Variants in CHL1 observed in about 807,000 individuals in gnomAD.
The protein encoded by CHL1 is neural cell adhesion molecule L1-like protein.
CHL1 carries 96 observed loss-of-function variants against 141.9 expected under a neutral mutation model. That is an observed-to-expected ratio of 0.68 (90% CI 0.57 to 0.80). The LOEUF (loss-of-function observed/expected upper bound fraction) is 0.80, where lower values mean the gene tolerates loss of function less well. Ranked by LOEUF, CHL1 falls within the 30% of genes least tolerant of loss-of-function variation. The pLI, the probability that CHL1 is intolerant of heterozygous loss-of-function variation, is 0.00. For synonymous variants in CHL1, 613 were observed against 502.2 expected, an observed-to-expected ratio of 1.22 and a Z score of -2.95; for missense variants, 1,820 against 1,457.2, an observed-to-expected ratio of 1.25 and a Z score of -4.05.
At chr3:219,314 C>A (rs182650320) in intron 1 of CHL1, among the ~76,000 whole-genome samples, 1 of 152,158 alleles carries the variant, frequency 6.6e-6, no homozygotes, top group African/African-American at 2.4e-5. Context: ...CCTGCAATCC[C>A]ATTACTATAT....
intron 2 of CHL1, among the ~76,000 whole-genome samples, chr3:276,438 T>G (rs2125270210): frequency 6.6e-6 from 1 of 152,344 alleles, no homozygotes; most frequent in East Asian, 1.9e-4. Flanking sequence ...TTTTATAGTT[T>G]GCAGCATGAT....
intron 5 of CHL1, among the ~76,000 whole-genome samples, chr3:334,754 G>A (rs1156439450): frequency 6.6e-6 from 1 of 152,150 alleles, no homozygotes; most frequent in African/African-American, 2.4e-5. Context: ...GGTTATTAAA[G>A]CATTTAGTTG....
At chr3:297,482 T>C (rs114054858) in intron 2 of CHL1, among the ~76,000 whole-genome samples, 161 of 152,344 alleles carry the variant, frequency 1.1e-3, no homozygotes, top group African/African-American at 3.3e-3. Context: ...CTCCAAATTA[T>C]AAATGTCTTT....
In CHL1 at chr3:214,703, C is replaced by G. The variant is rs368970287; in HGVS notation, c.-175+17640C>G. On this transcript the variant is annotated intron_variant, in intron 1 of 27. Coordinates refer to ENST00000256509, the MANE Select transcript of CHL1 (RefSeq NM_006614.4). The stretch of plus-strand genomic sequence containing the variant: ...TAGCCCTTACATAATGTATCCCTCT[C>G]TATGAGTGCTGTAGATTTTTCACTT... 2.0e-5 allele frequency among the ~76,000 whole-genome samples: 3 copies of G among 152,240 alleles called. No homozygotes were observed. The South Asian group carries it at 6.2e-4, about 32-fold the overall frequency.
rs141644867 is a variant in CHL1 at position 363,254 on chromosome 3, C to T, written c.1456C>T (p.Arg486Trp). 2.4e-5 allele frequency: 39 copies of T among 1,613,170 alleles called. No homozygotes were observed. Among genetic ancestry groups the T allele is most frequent in the Non-Finnish European group, 3.0e-5 (35 of 1,179,540 alleles). Residue 486 changes from arginine to tryptophan, a missense_variant, in exon 14 of 28, where the codon CGG becomes TGG. Physicochemically the swap from Arg to Trp is moderately radical, Grantham distance 101 (BLOSUM62 -3). Coordinates refer to ENST00000256509, the MANE Select transcript of CHL1 (RefSeq NM_006614.4). ...VEEVKPLEGR[R>W]YHIYENGTLQ... is the part of the protein sequence containing the mutation. ...AGAAGTGAAACCCCTGGAGGGCAGG[C>T]GGTATCATATCTATGAAAATGGCAC...
At chr3:333,819 A>T (rs1701650884) in intron 5 of CHL1, among the ~76,000 whole-genome samples, 1 of 152,222 alleles carries the variant, frequency 6.6e-6, no homozygotes, top group Non-Finnish European at 1.5e-5. Flanking sequence ...ATGATAATAT[A>T]AATAATCCTA....
chr3:354,576 C>G, intron 10 of CHL1, 64 bp from the exon 11 acceptor site: 1 of 1,544,362 alleles, frequency 6.5e-7, no homozygotes, highest in Non-Finnish European at 8.7e-7. Flanking sequence ...AAATACAGGC[C>G]TTAACATTTT....
intron 2 of CHL1, among the ~76,000 whole-genome samples, chr3:264,656 C>A (rs1392714636): frequency 6.6e-6 from 1 of 152,172 alleles, no homozygotes; most frequent in African/African-American, 2.4e-5. Context: ...AGCTAGAAGT[C>A]AATACTCACA....
intron 16 of CHL1, among the ~76,000 whole-genome samples, chr3:381,647 G>A (rs1351845912): frequency 6.6e-6 from 1 of 152,176 alleles, no homozygotes; most frequent in Non-Finnish European, 1.5e-5. Flanking sequence ...ATTTGCAATT[G>A]GTTAAGGAAG....
intron 1 of CHL1, among the ~76,000 whole-genome samples, chr3:224,780 G>T (rs1306281868): frequency 6.6e-6 from 1 of 152,168 alleles, no homozygotes; most frequent in Non-Finnish European, 1.5e-5. Context: ...TGCAAACGTA[G>T]CTTCCCTGTT....
rs528598906 is a variant in CHL1, at chr3:354,564, A to G, written c.1034-76A>G. On this transcript the variant is annotated intron_variant, in intron 10 of 27. Transcript: ENST00000256509. ...TGTCTGCCCTCTGCTGGTGCAAAGT[A>G]GAAATACAGGCCTTAACATTTTTGG... 4.0e-6 allele frequency: 6 copies of G among 1,498,874 alleles called. No homozygotes were observed. In the African/African-American group the frequency reaches 7.0e-5, roughly 17 times the overall value. 92.8% of individuals were successfully genotyped at this position (1,498,874 alleles called of 1,614,324 possible).
intron 13 of CHL1, among the ~76,000 whole-genome samples, chr3:362,194 T>G (rs879663646): frequency 5.3e-5 from 8 of 152,216 alleles, no homozygotes; most frequent in South Asian, 2.1e-4. Context: ...TAATTCCAAA[T>G]GCATGTGCTT....
chr3:230,672 C>A (rs1701777745), intron 1 of CHL1, among the ~76,000 whole-genome samples: 1 of 151,902 alleles, frequency 6.6e-6, no homozygotes, highest in Admixed American at 6.6e-5. Context: ...ATAAATAAAC[C>A]TAGTAAAATG....
At chr3:382,827 C>A in intron 18 of CHL1, 156 bp downstream of exon 18, 2 of 664,026 alleles carry the variant, frequency 3.0e-6, no homozygotes, top group Non-Finnish European at 5.1e-6. Flanking sequence ...ATTCAAAGCA[C>A]ACAAGTTTCA....
At position 391,684 on chromosome 3, in the gene CHL1, A is replaced by G. The variant is rs144815731; in HGVS notation, c.2801A>G (p.Gln934Arg). ...GTCTTGTGTTTTCTAGTACCTGAAC[A>G]GCCAACTTTTCTAAAGGTCATCAAA... The part of the protein sequence containing the change: ...IFQTPEGVPE[Q>R]PTFLKVIKVD... The change falls in exon 23 of 28, where the codon CAG (glutamine) becomes CGG (arginine). Residue 934 changes from glutamine (Q) to arginine (R), a missense_variant. Coordinates refer to ENST00000256509, the MANE Select transcript of CHL1 (RefSeq NM_006614.4). The G allele has an allele frequency of 1.2e-6, 2 of 1,603,514 alleles. No individual in the cohort carries two copies. Among genetic ancestry groups the G allele is most frequent in the Non-Finnish European group, 1.7e-6 (2 of 1,175,244 alleles).
At chr3:338,050 G>C (rs1257167914) in intron 5 of CHL1, among the ~76,000 whole-genome samples, 2 of 152,074 alleles carry the variant, frequency 1.3e-5, no homozygotes, top group African/African-American at 4.8e-5. Context: ...ATTTTTAGTA[G>C]AGACGGGGTT....
At chr3:312,158 T>C (rs1026867093) in intron 2 of CHL1, among the ~76,000 whole-genome samples, 2 of 152,216 alleles carry the variant, frequency 1.3e-5, no homozygotes, top group African/African-American at 4.8e-5. Context: ...ATATTATTAA[T>C]GATATTAGTT....
At chr3:240,494 T>C (rs955856173) in intron 1 of CHL1, among the ~76,000 whole-genome samples, 3 of 152,230 alleles carry the variant, frequency 2.0e-5, no homozygotes, top group Non-Finnish European at 4.4e-5. Flanking sequence ...AGATTCTGGA[T>C]GTCAGTCCTT....
intron 19 of CHL1, among the ~76,000 whole-genome samples, chr3:387,510 A>G (rs892697965): frequency 9.9e-5 from 15 of 152,178 alleles, no homozygotes; most frequent in Non-Finnish European, 2.2e-4. Context: ...TAGCTAAAAT[A>G]TTTTTGTTTA....
Sources: gnomAD v4.1 joint callset for allele counts (sites outside exome capture counted in the v4.1 genomes callset) on GRCh38, gnomAD v4.1.1 for gene constraint, MANE v1.5 for transcripts, NCBI Gene and HGNC (gene_info 2026-07-23, HGNC 2026-07-21) for gene names.